Variants in DENND2B observed in about 807,000 individuals in gnomAD.
DENND2B encodes the protein DENN domain-containing protein 2B.
DENND2B carries 32 observed loss-of-function variants against 116.0 expected under a neutral mutation model. That is an observed-to-expected ratio of 0.28 (90% CI 0.21 to 0.37). DENND2B has a LOEUF of 0.37. Ranked by LOEUF, DENND2B falls within the 10% of genes least tolerant of loss-of-function variation. The probability of loss-of-function intolerance (pLI) is 1.00; values close to 1 mark genes in which losing one functional copy is unlikely to be tolerated. For missense variants in DENND2B, 1,276 were observed against 1,477.7 expected, an observed-to-expected ratio of 0.86 and a Z score of 2.24; for synonymous variants, 588 against 583.9, an observed-to-expected ratio of 1.01 and a Z score of -0.10.
At chr11:8,787,620 A>G (rs1357629481) in intron 1 of DENND2B, among the ~76,000 whole-genome samples, 1 of 152,204 alleles carries the variant, frequency 6.6e-6, no homozygotes, top group Non-Finnish European at 1.5e-5. Flanking sequence ...TCCCTTAAAC[A>G]CAGGTGTCTG....
At chr11:8,828,942 TGTGTGTGTGTGGG>T (rs1245023024) in intron 4 of DENND2B, among the ~76,000 whole-genome samples, 2 of 150,842 alleles carry the variant, frequency 1.3e-5, no homozygotes, top group African/African-American at 2.4e-5. Flanking sequence ...GAGGAGAAAG[TGTGTGTGTGTGGG>T]GTGTGTGTGT....
chr11:8,806,340 G>A (rs2060834254), intron 1 of DENND2B, among the ~76,000 whole-genome samples: 3 of 152,134 alleles, frequency 2.0e-5, no homozygotes. Context: ...AAACTGTGGT[G>A]GTTTCGTGAC....
chr11:8,906,508 T>TTAAA (rs1566095956), intron 1 of DENND2B, among the ~76,000 whole-genome samples: 1,222 of 67,482 alleles, frequency 0.018, 20 homozygotes, highest in African/African-American at 0.045. Flanking sequence ...CAAGAAGTCT[T>TTAAA]CAAAAAAAAA....
At chr11:8,832,463 A>AG (rs2062250742) in intron 4 of DENND2B, 1 of 151,944 alleles carries the variant, frequency 6.6e-6, no homozygotes, top group African/African-American at 2.4e-5. Flanking sequence ...AAAAAAAAAA[A>AG]AAAAAAAAGA....
intron 4 of DENND2B, among the ~76,000 whole-genome samples, chr11:8,725,733 C>G (rs1293767192): frequency 2.0e-5 from 3 of 152,134 alleles, no homozygotes; most frequent in African/African-American, 7.2e-5. Flanking sequence ...AGAGTCTTCA[C>G]AAAAGTTAAG....
At chr11:8,829,740 C>T (rs1010559581) in intron 4 of DENND2B, among the ~76,000 whole-genome samples, 9 of 152,228 alleles carry the variant, frequency 5.9e-5, no homozygotes, top group East Asian at 3.9e-4. Flanking sequence ...TCACGGGTCC[C>T]GCCCCACCAC....
chr11:8,722,085 T>C (rs1317047627), intron 4 of DENND2B, among the ~76,000 whole-genome samples: 1 of 152,148 alleles, frequency 6.6e-6, no homozygotes, highest in Admixed American at 6.5e-5. Flanking sequence ...AGGCGGGAAA[T>C]AGCAGCCCTG....
intron 1 of DENND2B, among the ~76,000 whole-genome samples, chr11:8,797,026 A>T (rs2059874959): frequency 1.3e-5 from 2 of 152,244 alleles, no homozygotes; most frequent in South Asian, 4.1e-4. Context: ...GAAAAAACTC[A>T]TTAGATGTTC....
chr11:8,707,863 G>T lies in DENND2B; in HGVS notation c.2353-9C>A. 6.2e-7 allele frequency: 1 copy of T among 1,605,556 alleles called. No homozygotes were observed. The highest frequency in any genetic ancestry group is 8.5e-7 in the Non-Finnish European group (1 of 1,176,336). On this transcript the variant is annotated splice_polypyrimidine_tract_variant and intron_variant, in intron 11 of 19. Coordinates refer to ENST00000313726, the MANE Select transcript of DENND2B (RefSeq NM_213618.2). This position sits in a 1 kb window ranked among gnomAD's most constrained non-coding sequence, Gnocchi z 4.8. ...GGCCCTTTCCCACTTGGCTGGGCCA[G>T]GACAAGGAGGAGGAGGAGAGAGACA...
intron 4 of DENND2B, among the ~76,000 whole-genome samples, chr11:8,816,909 C>G (rs777200858): frequency 4.6e-5 from 7 of 152,202 alleles, no homozygotes; most frequent in Non-Finnish European, 8.8e-5. Flanking sequence ...AGTCCTACTG[C>G]TTTCTAAGTC....
chr11:8,892,733 T>G (rs997860670), intron 1 of DENND2B, among the ~76,000 whole-genome samples: 1 of 152,110 alleles, frequency 6.6e-6, no homozygotes, highest in Non-Finnish European at 1.5e-5. Context: ...AATAACAGGC[T>G]CTGAAATTGA....
At chr11:8,735,274 C>T (rs536671737) in intron 2 of DENND2B, among the ~76,000 whole-genome samples, 105 of 152,194 alleles carry the variant, frequency 6.9e-4, no homozygotes, top group African/African-American at 2.4e-3. Flanking sequence ...TTTTAGAGGA[C>T]GAGAGGTCCC....
chr11:8,839,632 C>G (rs1594191107), intron 3 of DENND2B, among the ~76,000 whole-genome samples: 1 of 152,210 alleles, frequency 6.6e-6, no homozygotes, highest in Admixed American at 6.5e-5. Flanking sequence ...CCAGTGACCC[C>G]TCCTGTCCTC....
intron 1 of DENND2B, among the ~76,000 whole-genome samples, chr11:8,882,946 C>A (rs548737170): frequency 6.6e-6 from 1 of 152,320 alleles, no homozygotes; most frequent in South Asian, 2.1e-4. Flanking sequence ...TGTGATTGCA[C>A]CACTGCACTC....
chr11:8,901,229 C>CTTTTCTTTTTTTTTTTTTTTTTTTTT (rs781408078), intron 1 of DENND2B, among the ~76,000 whole-genome samples: 1 of 83,922 alleles, frequency 1.2e-5, no homozygotes, highest in Non-Finnish European at 2.2e-5. Flanking sequence ...CTTTTCTTTT[C>CTTTTCTTTTTTTTTTTTTTTTTTTTT]TTTTTTTTTT....
rs1014397838 is a variant in DENND2B at position 8,701,038 on chromosome 11, C to T, written c.2720+1534G>A. Among the ~76,000 whole-genome samples the T allele has an allele frequency of 3.3e-5, 5 of 152,102 alleles. No homozygotes were observed. In the South Asian group the frequency reaches 8.3e-4, roughly 25 times the overall value. ...TCTTGACCTTGTGATCTGCCCACCT[C>T]GGCCTCCCAAAGTGCTGGGATTACA... On this transcript the variant is annotated intron_variant, in intron 14 of 19. Transcript: ENST00000313726.
chr11:8,860,273 T>C (rs1229150977), intron 2 of DENND2B, among the ~76,000 whole-genome samples: 2 of 152,122 alleles, frequency 1.3e-5, no homozygotes, highest in South Asian at 2.1e-4. Flanking sequence ...AATGATATGA[T>C]TGTACACTTA....
intron 1 of DENND2B, among the ~76,000 whole-genome samples, chr11:8,804,897 C>T (rs564859996): frequency 6.6e-6 from 1 of 152,288 alleles, no homozygotes; most frequent in African/African-American, 2.4e-5. Flanking sequence ...GTAACATCAA[C>T]CTGTTTGAGA....
At chr11:8,803,703 CT>C (rs2060558778) in intron 1 of DENND2B, among the ~76,000 whole-genome samples, 1 of 152,156 alleles carries the variant, frequency 6.6e-6, no homozygotes, top group Non-Finnish European at 1.5e-5. Context: ...TACAATAACC[CT>C]TTGAGGTGGG....
Sources: allele counts gnomAD v4.1 joint callset (sites outside exome capture counted in the v4.1 genomes callset), GRCh38; gene constraint gnomAD v4.1.1; non-coding constraint Gnocchi (gnomAD v3.1); transcripts MANE v1.5; gene names NCBI Gene and HGNC (gene_info 2026-07-23, HGNC 2026-07-21).